Variants in HEPHL1 observed in about 807,000 individuals in gnomAD.
HEPHL1 encodes ferroxidase HEPHL1.
In HEPHL1, 123 loss-of-function variants were observed where a neutral mutation model predicts 122.0. The observed-to-expected ratio is 1.01, with a 90% CI of 0.87 to 1.17. The LOEUF is 1.17. Among genes scored for constraint, HEPHL1 ranks in the 50% most tolerant of loss-of-function variants. The pLI is 0.00. For missense variants in HEPHL1, 1,452 were observed against 1,430.5 expected (o/e 1.01, Z -0.24); for synonymous variants, 527 against 508.9 (o/e 1.04, Z -0.48).
Position 94,101,180 on chromosome 11 carries a change from G to T in HEPHL1, c.2435-15G>T, listed in dbSNP as rs1218030147. The T allele has an allele frequency of 1.2e-6, 2 of 1,613,440 alleles. No individual in the cohort carries two copies. Among genetic ancestry groups the T allele is most frequent in the Non-Finnish European group, 1.7e-6 (2 of 1,179,516 alleles). ...GAGCAATAATAATGCACACAGGCCT[G>T]TGTTTTGCCTTTAGGCCCAATGATT... On this transcript the variant is annotated splice_polypyrimidine_tract_variant and intron_variant, in intron 13 of 19. Transcript: ENST00000315765.
chr11:94,045,132 T>A (rs1945822381), intron 1 of HEPHL1, among the ~76,000 whole-genome samples: 1 of 152,212 alleles, frequency 6.6e-6, no homozygotes, highest in African/African-American at 2.4e-5. Flanking sequence ...GGTCTCAAAC[T>A]CCTAGGCTCA....
chr11:94,049,601 T>G, intron 2 of HEPHL1, among the ~76,000 whole-genome samples: 1 of 115,430 alleles, frequency 8.7e-6, no homozygotes, highest in Middle Eastern at 5.7e-3. Flanking sequence ...AAAAGATGAA[T>G]GAATCATAGG....
chr11:94,050,963 G>A (rs887247495), intron 2 of HEPHL1, among the ~76,000 whole-genome samples: 1 of 152,034 alleles, frequency 6.6e-6, no homozygotes, highest in African/African-American at 2.4e-5. Context: ...ATGACCTCCG[G>A]TTCAATCCAC....
intron 2 of HEPHL1, 136 bp from the exon 3 acceptor site, chr11:94,063,372 T>C: frequency 1.5e-6 from 1 of 680,036 alleles, no homozygotes; most frequent in South Asian, 2.0e-5. Context: ...TTTAAGTAAC[T>C]TGCCTCAAGT....
intron 2 of HEPHL1, among the ~76,000 whole-genome samples, chr11:94,053,981 T>C (rs1262507252): frequency 6.6e-6 from 1 of 152,234 alleles, no homozygotes; most frequent in Non-Finnish European, 1.5e-5. Flanking sequence ...GTTCATAGTA[T>C]TGTTCAAGTC....
Position 94,021,645 on chromosome 11 carries a change from A to G in HEPHL1, c.170+107A>G, listed in dbSNP as rs1591456574. On this transcript the variant is annotated intron_variant, in intron 1 of 19. Coordinates refer to ENST00000315765, the MANE Select transcript of HEPHL1 (RefSeq NM_001098672.2). ...ACTTACAATGGGGGTGAGTTGATCT[A>G]GACCAAGAGAAGGTGTTTTGTTTTT... 2.5e-5 allele frequency: 21 copies of G among 847,826 alleles called. 1 individual carries two copies. The East Asian group carries it at 5.2e-4, about 21-fold the overall frequency. 52.5% of individuals were successfully genotyped at this position (847,826 alleles called of 1,614,324 possible).
chr11:94,086,131 C>T lies in HEPHL1; in HGVS notation c.2022C>T (p.Asp674=). ...TCCACCTACGAGGGACTCACCGAGA[C>T]TCCCTGGCCCTGTTTCCCCACATGG... ...NTIHLRGTHR[D]SLALFPHMAT... The change falls in exon 11 of 20, where the codon GAC becomes GAT. Residue 674 remains aspartate, a synonymous_variant. Transcript: ENST00000315765. 1 of 1,613,356 alleles carries T rather than the reference C, an allele frequency of 6.2e-7. No individual in the cohort carries two copies. The highest frequency in any genetic ancestry group is 8.5e-7 in the Non-Finnish European group (1 of 1,179,774).
At chr11:94,062,222 AAC>A (rs1413292052) in intron 2 of HEPHL1, among the ~76,000 whole-genome samples, 1 of 152,216 alleles carries the variant, frequency 6.6e-6, no homozygotes, top group Non-Finnish European at 1.5e-5. Flanking sequence ...TTGACTCAAG[AAC>A]ATGCTAGGAG....
intron 11 of HEPHL1, among the ~76,000 whole-genome samples, chr11:94,087,942 T>C (rs1363098357): frequency 1.3e-5 from 2 of 152,230 alleles, no homozygotes; most frequent in South Asian, 4.1e-4. Context: ...CACTCATCCC[T>C]CACCTCTAAA....
At chr11:94,057,971 T>A (rs1945954086) in intron 2 of HEPHL1, among the ~76,000 whole-genome samples, 1 of 152,182 alleles carries the variant, frequency 6.6e-6, no homozygotes, top group Non-Finnish European at 1.5e-5. Flanking sequence ...GTGGGCTAAA[T>A]CTGTGGATTA....
At chr11:94,049,545 G>C (rs1329886266) in intron 2 of HEPHL1, among the ~76,000 whole-genome samples, 9 of 148,724 alleles carry the variant, frequency 6.1e-5, no homozygotes, top group Non-Finnish European at 1.3e-4. Flanking sequence ...CCAGGTGCCA[G>C]ACACTGACTC....
At chr11:94,058,315 T>C (rs1251523737) in intron 2 of HEPHL1, among the ~76,000 whole-genome samples, 1 of 152,238 alleles carries the variant, frequency 6.6e-6, no homozygotes. Flanking sequence ...TCTAACTTTA[T>C]AGTTGCTTTT....
At chr11:94,108,351 GCTTAT>G (rs909918979) in intron 17 of HEPHL1, among the ~76,000 whole-genome samples, 36 of 152,072 alleles carry the variant, frequency 2.4e-4, no homozygotes, top group African/African-American at 8.2e-4. Context: ...CCAGTTTGTG[GCTTAT>G]CTTTTCATTC....
intron 13 of HEPHL1, among the ~76,000 whole-genome samples, chr11:94,095,088 A>G (rs953528079): frequency 2.6e-4 from 40 of 152,042 alleles, no homozygotes; most frequent in Non-Finnish European, 4.4e-4. Flanking sequence ...TGTCCTGAGT[A>G]GTATTGCCTA....
chr11:94,100,971 C>G (rs1420924151), intron 13 of HEPHL1, among the ~76,000 whole-genome samples: 1 of 152,180 alleles, frequency 6.6e-6, no homozygotes, highest in Non-Finnish European at 1.5e-5. Flanking sequence ...CCCAAGGCCC[C>G]TCTAATAAAT....
In HEPHL1 at chr11:94,067,777, TA is replaced by T. The variant is rs1006822367; in HGVS notation, c.1063+28del. On this transcript the variant is annotated intron_variant, in intron 5 of 19. Transcript: ENST00000315765. ...TAAAAAGGATAAAGACCAGAGTTGATATGTTTAGAATGGTACAATCAAACCA... is the reference window on the plus strand; with the variant it reads ...TAAAAAGGATAAAGACCAGAGTTGATTGTTTAGAATGGTACAATCAAACCA... 7 of 1,610,168 alleles carry T rather than the reference TA, an allele frequency of 4.3e-6. No homozygotes were observed. In the Admixed American group the frequency reaches 1.2e-4, roughly 27 times the overall value.
At chr11:94,101,147 T>C (rs752065133) in intron 13 of HEPHL1, 48 bp from the exon 14 acceptor site, 9 of 1,589,758 alleles carry the variant, frequency 5.7e-6, no homozygotes, top group Admixed American at 5.4e-5. Context: ...ATTACACTAA[T>C]GTTGAAAGAG....
chr11:94,064,545 G>A, intron 4 of HEPHL1, 35 bp downstream of exon 4: 2 of 1,459,178 alleles, frequency 1.4e-6, no homozygotes, highest in African/African-American at 1.4e-5. Context: ...CGTATACCAG[G>A]CCTTTTATAC....
At chr11:94,027,916 G>A (rs1178525536) in intron 1 of HEPHL1, among the ~76,000 whole-genome samples, 1 of 152,158 alleles carries the variant, frequency 6.6e-6, no homozygotes, top group Non-Finnish European at 1.5e-5. Context: ...CAAACTGAAT[G>A]TGCAATCTCC....
Sources: gnomAD v4.1 joint callset for allele counts (sites outside exome capture counted in the v4.1 genomes callset) on GRCh38, gnomAD v4.1.1 for gene constraint, MANE v1.5 for transcripts, NCBI Gene and HGNC (gene_info 2026-07-23, HGNC 2026-07-21) for gene names.